The following MCTP1 variants were observed in gnomAD, a reference collection of about 807,000 sequenced individuals.
MCTP1 encodes multiple C2 and transmembrane domain-containing protein 1.
MCTP1 carries 69 observed loss-of-function variants against 120.6 expected under a neutral mutation model. That is an observed-to-expected ratio of 0.57 (90% CI 0.47 to 0.70). The LOEUF (loss-of-function observed/expected upper bound fraction) is 0.70, where lower values mean the gene tolerates loss of function less well. Ranked by LOEUF, MCTP1 falls within the 30% of genes least tolerant of loss-of-function variation. The probability of loss-of-function intolerance (pLI) is 0.00; values close to 1 mark genes in which losing one functional copy is unlikely to be tolerated. For missense variants in MCTP1, 1,203 were observed against 1,248.8 expected (o/e 0.96, Z 0.55); for synonymous variants, 529 against 493.1 (o/e 1.07, Z -0.96).
intron 1 of MCTP1, among the ~76,000 whole-genome samples, chr5:95,031,703 G>A (rs10037916): frequency 0.095 from 14,511 of 152,054 alleles, 1,023 homozygotes; most frequent in East Asian, 0.36. Context: ...ACAAGGCTCG[G>A]CTAACAATAC....
chr5:94,842,741 T>C (rs1170953781), intron 17 of MCTP1, among the ~76,000 whole-genome samples: 1 of 152,212 alleles, frequency 6.6e-6, no homozygotes, highest in Non-Finnish European at 1.5e-5. Context: ...ACTGAGTATA[T>C]AAAGTGGTTT....
intron 1 of MCTP1, among the ~76,000 whole-genome samples, chr5:95,159,388 T>A (rs1427727418): frequency 6.6e-6 from 1 of 152,196 alleles, no homozygotes; most frequent in Non-Finnish European, 1.5e-5. Flanking sequence ...ATCCAAACAT[T>A]ACACACTTTC....
intron 21 of MCTP1, 93 bp from the exon 22 acceptor site, chr5:94,708,702 C>A (rs896900964): frequency 9.9e-6 from 7 of 707,642 alleles, no homozygotes; most frequent in Non-Finnish European, 1.7e-5. Flanking sequence ...CTCAATGAAC[C>A]AATACACCCA....
chr5:94,925,165 C>A (rs1812726522), intron 6 of MCTP1, among the ~76,000 whole-genome samples: 1 of 152,076 alleles, frequency 6.6e-6, no homozygotes, highest in African/African-American at 2.4e-5. Context: ...CCAGCCAAAG[C>A]CTTCCTTTCA....
intron 1 of MCTP1, among the ~76,000 whole-genome samples, chr5:95,257,900 C>T (rs1011553427): frequency 6.6e-6 from 1 of 151,654 alleles, no homozygotes; most frequent in Non-Finnish European, 1.5e-5. Flanking sequence ...CCAGAACAAT[C>T]TGAGCAAAGA....
chr5:95,221,945 A>C (rs1330026390), intron 1 of MCTP1, among the ~76,000 whole-genome samples: 1 of 152,228 alleles, frequency 6.6e-6, no homozygotes, highest in Non-Finnish European at 1.5e-5. Flanking sequence ...TACACAGAAA[A>C]TTGTTTTACA....
chr5:94,927,179 T>C (rs1303180597), intron 6 of MCTP1, among the ~76,000 whole-genome samples: 1 of 152,238 alleles, frequency 6.6e-6, no homozygotes, highest in Non-Finnish European at 1.5e-5. Flanking sequence ...ATGAAATATC[T>C]ACTGACATTA....
chr5:94,932,253 A>T (rs1411625409), intron 5 of MCTP1, among the ~76,000 whole-genome samples: 1 of 145,570 alleles, frequency 6.9e-6, no homozygotes, highest in South Asian at 2.2e-4. Flanking sequence ...CAGTATCGGG[A>T]TGCCTTTATT....
At chr5:94,952,587 A>G (rs2153532311) in intron 3 of MCTP1, among the ~76,000 whole-genome samples, 1 of 152,332 alleles carries the variant, frequency 6.6e-6, no homozygotes, top group South Asian at 2.1e-4. Context: ...TAGGAGCAAA[A>G]AAGAATATAA....
At chr5:94,854,294 C>T (rs1022792573) in intron 17 of MCTP1, among the ~76,000 whole-genome samples, 3 of 151,646 alleles carry the variant, frequency 2.0e-5, no homozygotes, top group Admixed American at 6.6e-5. Context: ...GTTTGAGGTA[C>T]GGGTCATGAA....
chr5:94,868,341 C>G lies in MCTP1; in HGVS notation c.2428G>C (p.Ala810Pro). The change falls in exon 17 of 23, where the codon GCT becomes CCT. Residue 810 changes from alanine (A) to proline (P), a missense_variant. Transcript: ENST00000515393. ...DWDSPPRSLAAFVLFLFVVWN... is the reference protein window; with the variant it reads ...DWDSPPRSLAPFVLFLFVVWN... Reference sequence around the variant, plus strand: ...ATACAGTATGATCATACCACAAAAGCAGCGAGACTCCTTGGGGGTGAATCC... The same window carrying G: ...ATACAGTATGATCATACCACAAAAGGAGCGAGACTCCTTGGGGGTGAATCC... The G allele has an allele frequency of 6.3e-7, 1 of 1,598,554 alleles. No individual in the cohort carries two copies. Among genetic ancestry groups the G allele is most frequent in the Non-Finnish European group, 8.5e-7 (1 of 1,173,518 alleles).
chr5:94,930,522 C>T (rs202071250), intron 6 of MCTP1, among the ~76,000 whole-genome samples: 1 of 151,982 alleles, frequency 6.6e-6, no homozygotes, highest in East Asian at 1.9e-4. Flanking sequence ...AATCCACCCA[C>T]CTCGACCTCC....
At chr5:94,783,311 T>C (rs1446529650) in intron 18 of MCTP1, among the ~76,000 whole-genome samples, 1 of 152,098 alleles carries the variant, frequency 6.6e-6, no homozygotes, top group African/African-American at 2.4e-5. Flanking sequence ...TAAAATATAA[T>C]ATGTGGCCAT....
chr5:94,723,886 A>G (rs1316376372), intron 19 of MCTP1, among the ~76,000 whole-genome samples: 2 of 152,136 alleles, frequency 1.3e-5, no homozygotes, highest in Non-Finnish European at 2.9e-5. Flanking sequence ...AAAAAGAAAA[A>G]GTGAGGAAAG....
chr5:95,275,057 C>T (rs443272), intron 1 of MCTP1, among the ~76,000 whole-genome samples: 126,232 of 151,996 alleles, frequency 0.83, 52,624 homozygotes, highest in African/African-American at 0.9. Flanking sequence ...AATGTATTGA[C>T]GCCTACATGT....
intron 1 of MCTP1, among the ~76,000 whole-genome samples, chr5:95,132,332 G>A (rs564008619): frequency 6.6e-6 from 1 of 152,268 alleles, no homozygotes; most frequent in Admixed American, 6.5e-5. Context: ...GTATAGTTAG[G>A]ACACTCAGCA....
chr5:95,267,181 C>T (rs1758969289), intron 1 of MCTP1, among the ~76,000 whole-genome samples: 1 of 152,186 alleles, frequency 6.6e-6, no homozygotes, highest in African/African-American at 2.4e-5. Flanking sequence ...TCCTAATTAA[C>T]CCATGATTAT....
At chr5:95,159,878 CA>C (rs1254271694) in intron 1 of MCTP1, among the ~76,000 whole-genome samples, 1 of 151,948 alleles carries the variant, frequency 6.6e-6, no homozygotes, top group East Asian at 1.9e-4. Flanking sequence ...TGAGTTTTAG[CA>C]GATAAGAAAT....
At chr5:95,063,657 G>A (rs1435673910) in intron 1 of MCTP1, among the ~76,000 whole-genome samples, 4 of 152,136 alleles carry the variant, frequency 2.6e-5, no homozygotes, top group African/African-American at 9.7e-5. Flanking sequence ...GGGCAGTGGT[G>A]CATTCTCGGC....
Sources: allele counts gnomAD v4.1 joint callset (sites outside exome capture counted in the v4.1 genomes callset), GRCh38; gene constraint gnomAD v4.1.1; transcripts MANE v1.5; gene names NCBI Gene and HGNC (gene_info 2026-07-23, HGNC 2026-07-21).